APTX: variants seen among roughly 807,000 people sequenced by gnomAD.
The protein encoded by APTX is forkhead-associated domain histidine triad-like protein.
In APTX, 33 loss-of-function variants were observed where a neutral mutation model predicts 42.3. The observed-to-expected ratio is 0.78, with a 90% confidence interval of 0.59 to 1.04. APTX has a LOEUF of 1.04. APTX is among the 50% of genes least tolerant of loss of function. The pLI is 0.00. For missense variants in APTX, 421 were observed against 415.1 expected (o/e 1.01, Z -0.12); for synonymous variants, 130 against 146.7 (o/e 0.89, Z 0.82).
chr9:33,012,546 G>C (rs961753940), intron 1 of APTX, among the ~76,000 whole-genome samples: 5 of 152,104 alleles, frequency 3.3e-5, no homozygotes, highest in African/African-American at 1.2e-4. Flanking sequence ...CCTGTTCAAA[G>C]GATCCAGCTG....
chr9:33,020,999 C>T (rs1252185565), intron 1 of APTX, among the ~76,000 whole-genome samples: 1 of 152,076 alleles, frequency 6.6e-6, no homozygotes. Flanking sequence ...CGTGGTGGAA[C>T]ATGCCTGTAA....
chr9:33,017,473 T>C lies in APTX; in HGVS notation c.-5+7550A>G, dbSNP rs552478140. Among the ~76,000 whole-genome samples, 211 of 138,940 alleles carry C rather than the reference T, an allele frequency of 1.5e-3. 1 individual carries two copies. The highest frequency in any genetic ancestry group is 4.9e-3 in the Admixed American group (70 of 14,190). The allele number at this position is 138,940 out of a possible 152,430, so 91.2% of individuals were successfully genotyped here. A position where few individuals can be genotyped will look rare whatever the true frequency, so the allele number is the denominator to read the frequency against. The stretch of plus-strand genomic sequence containing the variant: ...GGCAGAAGGGACTCACAAGCTCTCC[T>C]GGGTTTCTTTTGTAAGGGCACTAAT... On this transcript the variant is annotated intron_variant, in intron 1 of 6. Transcript: ENST00000436040.
upstream of APTX, among the ~76,000 whole-genome samples, chr9:33,002,781 T>C (rs1161447858): frequency 1.3e-5 from 2 of 152,192 alleles, no homozygotes; most frequent in Non-Finnish European, 2.9e-5. Context: ...TTTAACAAAA[T>C]TGAGATTTAA....
At chr9:33,009,664 A>C (rs1837399743) in intron 1 of APTX, among the ~76,000 whole-genome samples, 1 of 152,132 alleles carries the variant, frequency 6.6e-6, no homozygotes, top group Non-Finnish European at 1.5e-5. Context: ...CCGTGATCCC[A>C]GCTACTTGAG....
At chr9:32,982,559 T>C (rs1296563099) in intron 6 of APTX, among the ~76,000 whole-genome samples, 1 of 152,252 alleles carries the variant, frequency 6.6e-6, no homozygotes, top group Non-Finnish European at 1.5e-5. Context: ...TTATCACCTT[T>C]TCCTTTCTAA....
chr9:32,973,414 T>C lies in APTX; in HGVS notation c.*84A>G, dbSNP rs751619829. The stretch of plus-strand genomic sequence containing the variant: ...TGCATGTTTTAATTTAGGAAATGAG[T>C]AGAAGTTCACAAGCAACCCAGAATA... On this transcript the variant is annotated 3_prime_UTR_variant, in exon 8 of 8. Transcript: ENST00000379817. The C allele has an allele frequency of 3.4e-6, 5 of 1,463,546 alleles. No homozygotes were observed. The Admixed American group carries it at 5.0e-5, about 15-fold the overall frequency. The allele number at this position is 1,463,546 out of a possible 1,614,324, so 90.7% of individuals were successfully genotyped here. A position where few individuals can be genotyped will look rare whatever the true frequency, so the allele number is the denominator to read the frequency against.
rs780105237 is a variant in APTX at position 32,988,131 on chromosome 9, T to C, written c.134-2A>G. On this transcript the variant is annotated splice_acceptor_variant, in intron 2 of 7. Transcript: ENST00000379817. LOFTEE classifies it high-confidence loss of function. Reference sequence around the variant, plus strand: ...TGTTACACTCTGCTTTCAACTGTACTGAAAGAGATTGGAAAAAGTTAAACA... The same window carrying C: ...TGTTACACTCTGCTTTCAACTGTACCGAAAGAGATTGGAAAAAGTTAAACA... 6.2e-7 allele frequency: 1 copy of C among 1,613,930 alleles called. No individual in the cohort carries two copies. The highest frequency in any genetic ancestry group is 8.5e-7 in the Non-Finnish European group (1 of 1,179,804).
At chr9:32,991,474 G>A (rs1833618097) in intron 1 of APTX, among the ~76,000 whole-genome samples, 1 of 152,022 alleles carries the variant, frequency 6.6e-6, no homozygotes, top group Non-Finnish European at 1.5e-5. Context: ...GACATTTGGG[G>A]AATGACAAAG....
upstream of APTX, chr9:33,001,650 G>T: frequency 6.2e-7 from 1 of 1,610,434 alleles, no homozygotes; most frequent in Admixed American, 1.7e-5. Context: ...TCAGAGGCCG[G>T]CTGTATCGCG....
intron 1 of APTX, among the ~76,000 whole-genome samples, chr9:33,021,681 G>A (rs1264408134): frequency 6.6e-6 from 1 of 151,882 alleles, no homozygotes; most frequent in Non-Finnish European, 1.5e-5. Context: ...AAAGGTTGGG[G>A]GGCGGATTTC....
At chr9:33,008,618 C>A (rs938754546) in intron 1 of APTX, among the ~76,000 whole-genome samples, 1 of 149,010 alleles carries the variant, frequency 6.7e-6, no homozygotes, top group Admixed American at 6.8e-5. Flanking sequence ...GTGGCACGAT[C>A]TTGGCTCACT....
At chr9:33,005,419 TA>T (rs1238286392), upstream of APTX, among the ~76,000 whole-genome samples, 1 of 152,072 alleles carries the variant, frequency 6.6e-6, no homozygotes, top group African/African-American at 2.4e-5. Flanking sequence ...GGTGTGGTTT[TA>T]TTTTTTTGTT....
intron 2 of APTX, 128 bp downstream of exon 2, chr9:32,989,631 G>A: frequency 7.1e-7 from 1 of 1,406,814 alleles, no homozygotes; most frequent in Non-Finnish European, 1.0e-6. Flanking sequence ...GGCTAAAAGA[G>A]CTCAGTTCCT....
At chr9:33,006,524 A>T (rs1837156810), upstream of APTX, among the ~76,000 whole-genome samples, 1 of 152,178 alleles carries the variant, frequency 6.6e-6, no homozygotes, top group Non-Finnish European at 1.5e-5. Context: ...TCTAAGGGAA[A>T]AGCAGGTGAA....
intron 1 of APTX, among the ~76,000 whole-genome samples, chr9:33,023,648 G>C (rs1444306714): frequency 6.6e-6 from 1 of 152,214 alleles, no homozygotes; most frequent in African/African-American, 2.4e-5. Context: ...CAACACCTAA[G>C]ATTGAAAAAA....
chr9:32,974,404 A>G, intron 7 of APTX, 54 bp downstream of exon 7: 2 of 1,181,010 alleles, frequency 1.7e-6, no homozygotes, highest in East Asian at 4.7e-5. Flanking sequence ...CAAATCAAAT[A>G]TAAGAACAGC....
intron 2 of APTX, among the ~76,000 whole-genome samples, chr9:32,989,295 A>G (rs908202088): frequency 6.6e-6 from 1 of 152,086 alleles, no homozygotes; most frequent in Non-Finnish European, 1.5e-5. Flanking sequence ...CATGGTAAGG[A>G]TTTTTTTCTG....
chr9:32,981,640 G>A (rs925321550), intron 6 of APTX, among the ~76,000 whole-genome samples: 23 of 152,112 alleles, frequency 1.5e-4, no homozygotes, highest in African/African-American at 4.1e-4. Flanking sequence ...TGTTGAAGGC[G>A]TATCTAAGTG....
At chr9:32,996,226 T>A (rs1834891054) in intron 1 of APTX, among the ~76,000 whole-genome samples, 1 of 152,048 alleles carries the variant, frequency 6.6e-6, no homozygotes, top group Non-Finnish European at 1.5e-5. Context: ...TATGCCTGTA[T>A]GTATACCCTT....
Sources: allele counts gnomAD v4.1 joint callset (sites outside exome capture counted in the v4.1 genomes callset), GRCh38; gene constraint gnomAD v4.1.1; transcripts MANE v1.5; gene names NCBI Gene and HGNC (gene_info 2026-07-23, HGNC 2026-07-21).